The following PRKAG1 variants were observed in gnomAD, a reference collection of about 807,000 sequenced individuals.
PRKAG1 encodes 5'-AMP-activated protein kinase subunit gamma-1.
Under a neutral mutation model 48.2 loss-of-function variants are expected in PRKAG1, and 27 were observed. That is an observed-to-expected ratio of 0.56 (90% CI 0.41 to 0.77). The LOEUF is 0.77. Among genes scored for constraint, PRKAG1 ranks in the 30% least tolerant of loss-of-function variants. The pLI is 0.00. For missense variants in PRKAG1, 287 were observed against 398.3 expected, an observed-to-expected ratio of 0.72 and a Z score of 2.38; for synonymous variants, 130 against 147.7, an observed-to-expected ratio of 0.88 and a Z score of 0.87.
chr12:49,003,568 A>C lies in PRKAG1; in HGVS notation c.731T>G (p.Phe244Cys). 1 of 1,613,062 alleles carries C rather than the reference A, an allele frequency of 6.2e-7. No individual in the cohort carries two copies. Reference protein sequence around the residue: ...KGRVVDIYSKFDVINLAAEKT... With the variant: ...KGRVVDIYSKCDVINLAAEKT... ...TCCACAATCACTCACGATAACATCA[A>C]ACTTGGAGTAGATGTCCACCACACG... Residue 244 changes from phenylalanine to cysteine, a missense_variant, in exon 10 of 12, where the codon TTT (phenylalanine) becomes TGT (cysteine). By Grantham distance (205) the Phe-to-Cys change is radical. Coordinates refer to ENST00000548065, the MANE Select transcript of PRKAG1 (RefSeq NM_002733.5).
At chr12:49,012,373 T>A (rs1309737942) in intron 2 of PRKAG1, among the ~76,000 whole-genome samples, 1 of 150,626 alleles carries the variant, frequency 6.6e-6, no homozygotes, top group Non-Finnish European at 1.5e-5. Context: ...CTAATTTTTT[T>A]CTTTCTTTTT....
At position 49,005,998 on chromosome 12, in the gene PRKAG1, A is replaced by G. The variant is rs1355112422; in HGVS notation, c.59-146T>C. ...CCCTTATTTTATCTGTCTTGTTCCT[A>G]TTGTTTCCACAAAACCTGGATAAAC... On this transcript the variant is annotated intron_variant, in intron 2 of 11. Coordinates refer to ENST00000548065, the MANE Select transcript of PRKAG1 (RefSeq NM_002733.5). The surrounding 1 kb of genome is among the most constrained non-coding windows in gnomAD (Gnocchi z 4.1). 1 of 615,494 alleles carries G rather than the reference A, an allele frequency of 1.6e-6. No homozygotes were observed. The highest frequency in any genetic ancestry group is 2.7e-6 in the Non-Finnish European group (1 of 368,752). The allele number at this position is 615,494 out of a possible 1,614,324, so 38.1% of individuals were successfully genotyped here.
At chr12:49,013,004 C>A in intron 2 of PRKAG1, 58 bp downstream of exon 2, 1 of 1,487,666 alleles carries the variant, frequency 6.7e-7, no homozygotes, top group Non-Finnish European at 9.4e-7. Context: ...TTGTTGAAGA[C>A]ATTGTTAGGG....
intron 1 of PRKAG1, among the ~76,000 whole-genome samples, chr12:49,015,842 C>T (rs1384815594): frequency 6.6e-6 from 1 of 151,878 alleles, no homozygotes; most frequent in African/African-American, 2.4e-5. Context: ...TCCCAAAGTG[C>T]TGGGATTACA....
chr12:49,003,377 A>G, intron 10 of PRKAG1, 87 bp from the exon 11 acceptor site: 1 of 1,572,566 alleles, frequency 6.4e-7, no homozygotes, highest in Non-Finnish European at 8.7e-7. Context: ...AGAGGGATTC[A>G]GGGCAATTGT....
chr12:49,004,167 G>A (rs1477372776), intron 8 of PRKAG1: 2 of 541,210 alleles, frequency 3.7e-6, no homozygotes, highest in Non-Finnish European at 3.2e-6. Context: ...TGGTACACAC[G>A]TGTAGTCCCA....
At chr12:49,006,635 T>C (rs896221187) in intron 2 of PRKAG1, among the ~76,000 whole-genome samples, 1 of 152,196 alleles carries the variant, frequency 6.6e-6, no homozygotes, top group African/African-American at 2.4e-5. Flanking sequence ...CCCAAAATAA[T>C]AGCTTGAATG....
chr12:49,006,585 T>C (rs1458227176), intron 2 of PRKAG1, among the ~76,000 whole-genome samples: 4 of 152,246 alleles, frequency 2.6e-5, no homozygotes, highest in African/African-American at 7.2e-5. Flanking sequence ...TTTCTATTCC[T>C]GTGATTTTAA....
At chr12:49,016,984 T>A in intron 1 of PRKAG1, 1 of 373,730 alleles carries the variant, frequency 2.7e-6, no homozygotes, top group Non-Finnish European at 5.3e-6. Context: ...GTTCTCTACA[T>A]ACCCCAATTT....
At position 49,005,437 on chromosome 12, in the gene PRKAG1, T is replaced by C. The variant is rs753733676; in HGVS notation, c.250+25A>G. The C allele has an allele frequency of 3.7e-6, 6 of 1,613,938 alleles. No homozygotes were observed. In the South Asian group the frequency reaches 5.5e-5, roughly 15 times the overall value. ...TGCCCAGCACAAGATGCCAATAATA[T>C]TGTGTTCCAGAAACTTTTGCTTACC... On this transcript the variant is annotated intron_variant, in intron 4 of 11. Coordinates refer to ENST00000548065, the MANE Select transcript of PRKAG1 (RefSeq NM_002733.5). The surrounding 1 kb of genome is among the most constrained non-coding windows in gnomAD (Gnocchi z 4.1).
Position 49,005,953 on chromosome 12 carries a change from G to A in PRKAG1, c.59-101C>T, listed in dbSNP as rs558948513. On this transcript the variant is annotated intron_variant, in intron 2 of 11. Transcript: ENST00000548065. This position sits in a 1 kb window ranked among gnomAD's most constrained non-coding sequence, Gnocchi z 4.1. ...TGTTCTAGTATCTCAAATATTTAGAGCATTATTTTTTAATAAGACCCCTTA... is the reference window on the plus strand; with the variant it reads ...TGTTCTAGTATCTCAAATATTTAGAACATTATTTTTTAATAAGACCCCTTA... 2.1e-3 allele frequency: 1,832 copies of A among 873,594 alleles called. 7 individuals carry two copies. The highest frequency in any genetic ancestry group is 3.1e-3 in the South Asian group (177 of 56,878). The allele number at this position is 873,594 out of a possible 1,614,324, so 54.1% of individuals were successfully genotyped here. A position where few individuals can be genotyped will look rare whatever the true frequency, so the allele number is the denominator to read the frequency against.
chr12:49,011,621 G>A (rs10431530), intron 2 of PRKAG1, among the ~76,000 whole-genome samples: 1 of 151,360 alleles, frequency 6.6e-6, no homozygotes, highest in Admixed American at 6.6e-5. Flanking sequence ...GCATGATCTC[G>A]GCTCACTGCA....
intron 2 of PRKAG1, among the ~76,000 whole-genome samples, chr12:49,009,821 C>G (rs939446107): frequency 6.6e-6 from 1 of 151,998 alleles, no homozygotes; most frequent in South Asian, 2.1e-4. Flanking sequence ...TCATATTGGG[C>G]AGGCTGGTCT....
chr12:49,004,675 C>A, intron 7 of PRKAG1, 42 bp from the exon 8 acceptor site: 3 of 1,613,154 alleles, frequency 1.9e-6, no homozygotes, highest in Non-Finnish European at 2.5e-6. Context: ...AGTGCTGGGG[C>A]TGGGGGTGAT....
In PRKAG1 at chr12:49,004,030, C is replaced by A. The variant is rs911076930; in HGVS notation, c.538-108G>T. On this transcript the variant is annotated intron_variant, in intron 8 of 11. Transcript: ENST00000548065. ...AAGGGCTGGGTGCGCCGGCTTATGC[C>A]TATAATCCCAGCACTTTGGGAGGCT... The A allele has an allele frequency of 7.6e-6, 11 of 1,438,922 alleles. No homozygotes were observed. In the South Asian group the frequency reaches 1.3e-4, roughly 17 times the overall value. The allele number at this position is 1,438,922 out of a possible 1,614,324, so 89.1% of individuals were successfully genotyped here.
At chr12:49,014,419 C>T (rs1432941582) in intron 1 of PRKAG1, among the ~76,000 whole-genome samples, 1 of 152,196 alleles carries the variant, frequency 6.6e-6, no homozygotes, top group East Asian at 1.9e-4. Context: ...AGGGCTAACC[C>T]CTACAAGATT....
rs1204769144 is a variant in PRKAG1, at chr12:49,002,940, G to A, written c.955C>T (p.Leu319=). The part of the protein sequence containing the change: ...VKGIVSLSDI[L]QALVLTGGEK... ...CCACCTGTGAGCACCAGGGCCTGCA[G>A]GATGTCAGACAGTGATACAATTCCC... The change falls in exon 12 of 12, where the codon CTG becomes TTG. Residue 319 remains leucine, a synonymous_variant. Coordinates refer to ENST00000548065, the MANE Select transcript of PRKAG1 (RefSeq NM_002733.5). 1.2e-6 allele frequency: 2 copies of A among 1,614,198 alleles called. No homozygotes were observed. Among genetic ancestry groups the A allele is most frequent in the South Asian group, 2.2e-5 (2 of 91,086 alleles).
chr12:49,002,736 C>T lies in PRKAG1; in HGVS notation c.*163G>A, dbSNP rs1242446479. ...GTAAGGGTAGCTATAAATCCATTCT[C>T]TTTCCTCCCCCATACCTTCCCTAGC... is the stretch of plus-strand genomic sequence containing the variant. On this transcript the variant is annotated 3_prime_UTR_variant, in exon 12 of 12. Transcript: ENST00000548065. 1.3e-6 allele frequency: 1 copy of T among 752,076 alleles called. No individual in the cohort carries two copies. The highest frequency in any genetic ancestry group is 2.3e-6 in the Non-Finnish European group (1 of 431,984). 46.6% of individuals were successfully genotyped at this position (752,076 alleles called of 1,614,324 possible). A position where few individuals can be genotyped will look rare whatever the true frequency, so the allele number is the denominator to read the frequency against.
chr12:49,009,902 C>T (rs1565737437), intron 2 of PRKAG1, among the ~76,000 whole-genome samples: 1 of 152,172 alleles, frequency 6.6e-6, no homozygotes, highest in East Asian at 1.9e-4. Context: ...CGTGAGCCAC[C>T]GTGCCCGGCT....
Sources: allele counts gnomAD v4.1 joint callset (sites outside exome capture counted in the v4.1 genomes callset), GRCh38; gene constraint gnomAD v4.1.1; non-coding constraint Gnocchi (gnomAD v3.1); transcripts MANE v1.5; gene names NCBI Gene and HGNC (gene_info 2026-07-23, HGNC 2026-07-21).